ARHGAP15: variants seen among roughly 807,000 people sequenced by gnomAD.
The protein encoded by ARHGAP15 is Rho GTPase activating protein 15.
Under a neutral mutation model 63.7 loss-of-function variants are expected in ARHGAP15, and 51 were observed. The observed-to-expected ratio is 0.80, with a 90% confidence interval of 0.64 to 1.01. The LOEUF (loss-of-function observed/expected upper bound fraction) is 1.01. Among genes scored for constraint, ARHGAP15 ranks in the 50% least tolerant of loss-of-function variants. The probability of loss-of-function intolerance (pLI) is 0.00; values close to 1 mark genes in which losing one functional copy is unlikely to be tolerated. For synonymous variants in ARHGAP15, 191 were observed against 193.8 expected (o/e 0.99, Z 0.12); for missense variants, 560 against 564.6 (o/e 0.99, Z 0.08).
At chr2:143,307,971 A>G (rs1683254104) in intron 6 of ARHGAP15, among the ~76,000 whole-genome samples, 1 of 152,150 alleles carries the variant, frequency 6.6e-6, no homozygotes, top group Non-Finnish European at 1.5e-5. Context: ...ACACAGTTTT[A>G]TACCTTTCTT....
rs560063860 is a variant in ARHGAP15 at position 143,320,158 on chromosome 2, G to T, written c.474+69558G>T. ...AATGAAAGATAATTAAAACTATGGGGAACTTGCTAATATAAACTACATGAC... is the reference window on the plus strand; with the variant it reads ...AATGAAAGATAATTAAAACTATGGGTAACTTGCTAATATAAACTACATGAC... On this transcript the variant is annotated intron_variant, in intron 6 of 13. Coordinates refer to ENST00000295095, the MANE Select transcript of ARHGAP15 (RefSeq NM_018460.4). Among the ~76,000 whole-genome samples the T allele has an allele frequency of 8.5e-5, 13 of 152,252 alleles. 1 individual carries two copies. The highest frequency in any genetic ancestry group is 3.4e-3 in the Middle Eastern group (1 of 294).
intron 8 of ARHGAP15, among the ~76,000 whole-genome samples, chr2:143,474,184 A>G (rs1438046120): frequency 1.3e-5 from 2 of 152,124 alleles, no homozygotes. Context: ...GGGAAAAGGA[A>G]GACTCAAAAC....
chr2:143,242,506 A>T (rs1693903111), intron 5 of ARHGAP15, among the ~76,000 whole-genome samples: 1 of 152,266 alleles, frequency 6.6e-6, no homozygotes, highest in Non-Finnish European at 1.5e-5. Context: ...CAAATACAAT[A>T]GGTGCTCATT....
intron 11 of ARHGAP15, among the ~76,000 whole-genome samples, chr2:143,608,940 C>T (rs1698151749): frequency 6.6e-6 from 1 of 152,196 alleles, no homozygotes; most frequent in Non-Finnish European, 1.5e-5. Context: ...CTTGAATAGA[C>T]AGAAAAGCAG....
At chr2:143,146,160 A>G (rs1257341251) in intron 1 of ARHGAP15, among the ~76,000 whole-genome samples, 1 of 151,890 alleles carries the variant, frequency 6.6e-6, no homozygotes, top group Non-Finnish European at 1.5e-5. Flanking sequence ...CCATTAAGAG[A>G]GTGAAAAAGC....
chr2:143,473,875 T>A (rs1691692637), intron 8 of ARHGAP15, among the ~76,000 whole-genome samples: 1 of 152,198 alleles, frequency 6.6e-6, no homozygotes, highest in African/African-American at 2.4e-5. Context: ...CTCAAGAAGC[T>A]TTTGGAGGCC....
chr2:143,256,679 G>A lies in ARHGAP15; in HGVS notation c.474+6079G>A, dbSNP rs148862470. Among the ~76,000 whole-genome samples, 123 of 152,156 alleles carry A rather than the reference G, an allele frequency of 8.1e-4. 1 individual carries two copies. In the South Asian group the frequency reaches 9.5e-3, roughly 12 times the overall value. On this transcript the variant is annotated intron_variant, in intron 6 of 13. Transcript: ENST00000295095. The stretch of plus-strand genomic sequence containing the variant: ...TACTGTTTTTCTGATTGAAGGGAAA[G>A]AGATATGATTATTTGTATGATGTTT...
intron 4 of ARHGAP15, among the ~76,000 whole-genome samples, chr2:143,223,715 C>G (rs185039219): frequency 4.9e-4 from 75 of 152,292 alleles, no homozygotes; most frequent in Admixed American, 1.4e-3. Context: ...TTATCTCCCC[C>G]TCTTAGCTCC....
chr2:143,164,942 A>T (rs542532092), intron 2 of ARHGAP15, among the ~76,000 whole-genome samples: 1 of 152,072 alleles, frequency 6.6e-6, no homozygotes, highest in South Asian at 2.1e-4. Flanking sequence ...TGGAAATTAT[A>T]AAACAAAATT....
intron 2 of ARHGAP15, among the ~76,000 whole-genome samples, chr2:143,178,684 C>T (rs530338780): frequency 6.6e-6 from 1 of 152,188 alleles, no homozygotes; most frequent in Non-Finnish European, 1.5e-5. Flanking sequence ...GTCTCAAACA[C>T]CTGGCCTCAA....
intron 2 of ARHGAP15, among the ~76,000 whole-genome samples, chr2:143,187,926 T>G (rs1415694696): frequency 6.6e-6 from 1 of 152,224 alleles, no homozygotes. Flanking sequence ...ATTAAAGTTA[T>G]ACATGAAGTT....
chr2:143,345,901 G>C (rs1408159433), intron 6 of ARHGAP15, among the ~76,000 whole-genome samples: 1 of 151,938 alleles, frequency 6.6e-6, no homozygotes, highest in Non-Finnish European at 1.5e-5. Context: ...GGAGATCTCT[G>C]GAAATTGCAC....
At chr2:143,503,778 C>G (rs1307173879) in intron 9 of ARHGAP15, among the ~76,000 whole-genome samples, 1 of 152,188 alleles carries the variant, frequency 6.6e-6, no homozygotes, top group Non-Finnish European at 1.5e-5. Flanking sequence ...GGATGAAGAG[C>G]TATGCTTGCA....
chr2:143,763,659 TA>T lies in ARHGAP15; in HGVS notation c.1245-4327del, dbSNP rs1184914709. On this transcript the variant is annotated intron_variant, in intron 13 of 13. Transcript: ENST00000295095. ...CATATATATGCAAATTGCATATATATAAATTGCATATATATGCAAATTGCAT... is the reference window on the plus strand; with the variant it reads ...CATATATATGCAAATTGCATATATATAATTGCATATATATGCAAATTGCAT... 4.0e-5 allele frequency among the ~76,000 whole-genome samples: 6 copies of T among 148,712 alleles called. No homozygotes were observed. In the South Asian group the frequency reaches 1.3e-3, roughly 31 times the overall value.
intron 1 of ARHGAP15, among the ~76,000 whole-genome samples, chr2:143,152,637 C>G (rs566307640): frequency 6.6e-6 from 1 of 151,912 alleles, no homozygotes; most frequent in South Asian, 2.1e-4. Context: ...ATCTTTAAGA[C>G]GAGGTTTTGT....
chr2:143,451,764 T>G (rs1690420314), intron 8 of ARHGAP15, among the ~76,000 whole-genome samples: 1 of 151,994 alleles, frequency 6.6e-6, no homozygotes, highest in Non-Finnish European at 1.5e-5. Context: ...ACTTAAGTGC[T>G]TATCCGGAAA....
intron 6 of ARHGAP15, among the ~76,000 whole-genome samples, chr2:143,419,780 T>C (rs571839788): frequency 6.6e-6 from 1 of 152,268 alleles, no homozygotes; most frequent in Non-Finnish European, 1.5e-5. Context: ...TTTATACATT[T>C]CTGGTTTTGC....
At position 143,376,051 on chromosome 2, in the gene ARHGAP15, C is replaced by T. The variant is rs114994204; in HGVS notation, c.475-59550C>T. ...TCATCTCTGACATCTTCAACTTCCG[C>T]GTTTCCCATTGGTTGCAATCAGAGC... On this transcript the variant is annotated intron_variant, in intron 6 of 13. Transcript: ENST00000295095. Among the ~76,000 whole-genome samples, 595 of 152,318 alleles carry T rather than the reference C, an allele frequency of 3.9e-3. 3 individuals carry two copies. Among genetic ancestry groups the T allele is most frequent in the African/African-American group, 0.013 (544 of 41,590 alleles).
intron 8 of ARHGAP15, 57 bp from the exon 9 acceptor site, chr2:143,487,316 A>T (rs1489835954): frequency 6.4e-7 from 1 of 1,559,426 alleles, no homozygotes; most frequent in Admixed American, 2.0e-5. Flanking sequence ...ATTTGCATAA[A>T]GTAATAATCA....
Sources: allele counts gnomAD v4.1 joint callset (sites outside exome capture counted in the v4.1 genomes callset), GRCh38; gene constraint gnomAD v4.1.1; transcripts MANE v1.5; gene names NCBI Gene and HGNC (gene_info 2026-07-23, HGNC 2026-07-21).